Variants in GDPD4 observed in about 807,000 individuals in gnomAD.
GDPD4 encodes glycerophosphodiester phosphodiesterase 6.
In GDPD4, 60 loss-of-function variants were observed where a neutral mutation model predicts 67.8. The observed-to-expected ratio is 0.88, with a 90% CI of 0.72 to 1.10. The LOEUF is 1.10. GDPD4 is among the 50% of genes least tolerant of loss of function. The pLI, the probability that GDPD4 is intolerant of heterozygous loss-of-function variation, is 0.00. For missense variants in GDPD4, 623 were observed against 613.9 expected, an observed-to-expected ratio of 1.01 and a Z score of -0.16; for synonymous variants, 212 against 210.9, an observed-to-expected ratio of 1.00 and a Z score of -0.04.
rs527933296 is a variant in GDPD4 at position 77,266,736 on chromosome 11, C to T, written c.707+1721G>A. On this transcript the variant is annotated intron_variant, in intron 10 of 16. Coordinates refer to ENST00000315938, the MANE Select transcript of GDPD4 (RefSeq NM_182833.3). ...AATGTGTGTGCTTGTTTCTTAGTTT[C>T]TAACAAAAAAGTTAAAAAAAAATTA... Among the ~76,000 whole-genome samples the T allele has an allele frequency of 2.0e-4, 30 of 151,758 alleles. 1 individual carries two copies. The highest frequency in any genetic ancestry group is 1.9e-3 in the Admixed American group (29 of 15,234).
At position 77,262,600 on chromosome 11, in the gene GDPD4, T is replaced by C. The variant is rs149953325; in HGVS notation, c.708-4058A>G. Among the ~76,000 whole-genome samples the C allele has an allele frequency of 3.7e-3, 562 of 152,230 alleles. 3 individuals carry two copies. Among genetic ancestry groups the C allele is most frequent in the African/African-American group, 0.013 (530 of 41,554 alleles). On this transcript the variant is annotated intron_variant, in intron 10 of 16. Coordinates refer to ENST00000315938, the MANE Select transcript of GDPD4 (RefSeq NM_182833.3). ...TGCTTAAGATGTTTTTCAGATCCCATATTCCGGTAAAACAGCTGATATGAA... is the reference window on the plus strand; with the variant it reads ...TGCTTAAGATGTTTTTCAGATCCCACATTCCGGTAAAACAGCTGATATGAA...
In GDPD4 at chr11:77,216,843, A is replaced by G; in HGVS notation, c.*434T>C. Reference sequence around the variant, plus strand: ...GGAGATGTGGCTAATTCTTCTTTGGAAACACAGAAGGCTATGTCAGATGCA... The same window carrying G: ...GGAGATGTGGCTAATTCTTCTTTGGGAACACAGAAGGCTATGTCAGATGCA... On this transcript the variant is annotated 3_prime_UTR_variant, in exon 17 of 17. Coordinates refer to ENST00000315938, the MANE Select transcript of GDPD4 (RefSeq NM_182833.3). The G allele has an allele frequency of 4.8e-6, 3 of 628,956 alleles. No individual in the cohort carries two copies. The highest frequency in any genetic ancestry group is 8.5e-6 in the Non-Finnish European group (3 of 352,336). The allele number at this position is 628,956 out of a possible 1,614,324, so 39.0% of individuals were successfully genotyped here.
At chr11:77,233,266 G>A in intron 13 of GDPD4, 94 bp from the exon 14 acceptor site, 1 of 1,218,702 alleles carries the variant, frequency 8.2e-7, no homozygotes, top group Non-Finnish European at 1.2e-6. Flanking sequence ...AAAGGCTGTT[G>A]CCTAAATCAC....
At chr11:77,223,297 A>G (rs959715529) in intron 16 of GDPD4, among the ~76,000 whole-genome samples, 1 of 151,706 alleles carries the variant, frequency 6.6e-6, no homozygotes, top group African/African-American at 2.4e-5. Flanking sequence ...GAGAAGAGGC[A>G]GTCTGGTTTC....
In GDPD4 at chr11:77,285,092, A is replaced by T; in HGVS notation, c.46T>A (p.Phe16Ile). The T allele has an allele frequency of 6.2e-7, 1 of 1,610,524 alleles. No homozygotes were observed. Among genetic ancestry groups the T allele is most frequent in the Non-Finnish European group, 8.5e-7 (1 of 1,176,958 alleles). ...WIETSSEYFN[F>I]DWVTFLGTGY... ...ACAAAAAGTGAAACTCACCAGTCAA[A>T]GTTAAAGTATTCACTGGATGTTTCT... Residue 16 changes from phenylalanine (F) to isoleucine (I), a missense_variant, in exon 3 of 17, where the codon TTT becomes ATT. Phe to Ile is a conservative substitution (Grantham distance 21). Transcript: ENST00000315938.
chr11:77,231,626 A>G (rs1958456490), intron 14 of GDPD4, among the ~76,000 whole-genome samples: 2 of 152,238 alleles, frequency 1.3e-5, no homozygotes, highest in Admixed American at 1.3e-4. Flanking sequence ...TTTAAATATT[A>G]AAATGAAAAA....
intron 16 of GDPD4, among the ~76,000 whole-genome samples, chr11:77,221,158 G>A (rs1440174431): frequency 1.3e-5 from 2 of 151,874 alleles, no homozygotes; most frequent in Non-Finnish European, 2.9e-5. Flanking sequence ...CTTGCTAGTG[G>A]TCTATCAATT....
intron 13 of GDPD4, among the ~76,000 whole-genome samples, chr11:77,238,262 C>T (rs1958599750): frequency 6.6e-6 from 1 of 152,172 alleles, no homozygotes; most frequent in African/African-American, 2.4e-5. Context: ...TGTAAATGTA[C>T]TAAGTGTCAC....
rs1386913023 is a variant in GDPD4, at chr11:77,269,043, A to C, written c.505T>G (p.Phe169Val). ...TAGAGACCTAAAAGGATAAGAAGAAAGGGTAATCCAACAGGCACTTGTAGA... is the reference window on the plus strand; with the variant it reads ...TAGAGACCTAAAAGGATAAGAAGAACGGGTAATCCAACAGGCACTTGTAGA... ...RGLQVPVGLP[F>V]LLILLGLYLM... Residue 169 changes from phenylalanine to valine, a missense_variant, in exon 9 of 17, where the codon TTT becomes GTT. Phe to Val is a conservative substitution (Grantham distance 50, BLOSUM62 -1). Transcript: ENST00000315938. 1.2e-6 allele frequency: 2 copies of C among 1,613,854 alleles called. No homozygotes were observed. The highest frequency in any genetic ancestry group is 1.7e-6 in the Non-Finnish European group (2 of 1,179,878).
At chr11:77,292,658 GT>G (rs1565547664) in intron 1 of GDPD4, among the ~76,000 whole-genome samples, 1 of 152,034 alleles carries the variant, frequency 6.6e-6, no homozygotes, top group African/African-American at 2.4e-5. Context: ...TCAAAAGTTG[GT>G]TCTTTGAGAA....
chr11:77,281,416 AG>A (rs1390811964), intron 3 of GDPD4, among the ~76,000 whole-genome samples: 1 of 152,196 alleles, frequency 6.6e-6, no homozygotes, highest in Non-Finnish European at 1.5e-5. Flanking sequence ...ACACACACAG[AG>A]GGGAAAAGAG....
At chr11:77,239,324 A>G (rs549883688) in intron 13 of GDPD4, among the ~76,000 whole-genome samples, 2 of 152,344 alleles carry the variant, frequency 1.3e-5, no homozygotes, top group South Asian at 4.1e-4. Flanking sequence ...TTTTTGACAT[A>G]GTACTGTCTT....
chr11:77,292,996 C>G (rs571164393), intron 1 of GDPD4, among the ~76,000 whole-genome samples: 5 of 152,062 alleles, frequency 3.3e-5, no homozygotes, highest in Non-Finnish European at 5.9e-5. Context: ...GTTAAACAAG[C>G]CTTCCCATCA....
At chr11:77,237,515 G>A (rs1348645782) in intron 13 of GDPD4, among the ~76,000 whole-genome samples, 5 of 152,154 alleles carry the variant, frequency 3.3e-5, no homozygotes, top group Non-Finnish European at 7.4e-5. Context: ...AGGGGGACAT[G>A]AGAAGCTCAC....
intron 4 of GDPD4, 86 bp downstream of exon 4, chr11:77,279,220 G>C (rs1411167658): frequency 1.2e-6 from 1 of 813,336 alleles, no homozygotes; most frequent in Admixed American, 2.1e-5. Context: ...AGAGTCCCCA[G>C]TACCAACTGG....
Position 77,228,687 on chromosome 11 carries a change from C to CA in GDPD4, c.1472+462dup, listed in dbSNP as rs573172970. Reference sequence around the variant, plus strand: ...TGGGCAATAGACTGAGACCCCATCTCAAAAAAACGAACAAAAAAAATATTA... The same window carrying CA: ...TGGGCAATAGACTGAGACCCCATCTCAAAAAAAACGAACAAAAAAAATATTA... On this transcript the variant is annotated intron_variant, in intron 15 of 16. Transcript: ENST00000315938. 3.7e-3 allele frequency among the ~76,000 whole-genome samples: 566 copies of CA among 151,836 alleles called. 2 individuals are homozygous for CA. The highest frequency in any genetic ancestry group is 6.9e-3 in the Non-Finnish European group (471 of 67,940).
chr11:77,279,120 C>A (rs1322739991), intron 4 of GDPD4, among the ~76,000 whole-genome samples, 186 bp downstream of exon 4: 2 of 152,176 alleles, frequency 1.3e-5, no homozygotes, highest in Admixed American at 1.3e-4. Flanking sequence ...TTTCCTTCCA[C>A]GTCCTTCCAC....
chr11:77,294,116 T>C (rs1364281083), intron 1 of GDPD4, among the ~76,000 whole-genome samples: 1 of 152,200 alleles, frequency 6.6e-6, no homozygotes, highest in African/African-American at 2.4e-5. Context: ...TTTAAATCAC[T>C]ATTTACATCA....
At chr11:77,256,241 C>T (rs145467421) in intron 11 of GDPD4, among the ~76,000 whole-genome samples, 1 of 152,180 alleles carries the variant, frequency 6.6e-6, no homozygotes, top group South Asian at 2.1e-4. Flanking sequence ...GGCTTTTCAT[C>T]TAGAACACAC....
Sources: allele counts gnomAD v4.1 joint callset (sites outside exome capture counted in the v4.1 genomes callset), GRCh38; gene constraint gnomAD v4.1.1; transcripts MANE v1.5; gene names NCBI Gene and HGNC (gene_info 2026-07-23, HGNC 2026-07-21).